The following SH3RF1 variants were observed in gnomAD, a reference collection of about 807,000 sequenced individuals.
SH3RF1 encodes E3 ubiquitin-protein ligase SH3RF1.
SH3RF1 carries 32 observed loss-of-function variants against 74.0 expected under a neutral mutation model. That is an observed-to-expected ratio of 0.43 (90% CI 0.33 to 0.58). The LOEUF is 0.58. Ranked by LOEUF, SH3RF1 falls within the 20% of genes least tolerant of loss-of-function variation. The pLI is 0.05. For synonymous variants in SH3RF1, 396 were observed against 439.6 expected (o/e 0.90, Z 1.24); for missense variants, 954 against 1,130.9 (o/e 0.84, Z 2.24).
intron 2 of SH3RF1, among the ~76,000 whole-genome samples, chr4:169,187,394 T>C (rs886679478): frequency 6.6e-6 from 1 of 152,070 alleles, no homozygotes; most frequent in Non-Finnish European, 1.5e-5. Flanking sequence ...GGTCTCTATA[T>C]TACCCAAGCT....
In SH3RF1 at chr4:169,120,876, G is replaced by C. The variant is rs749446964; in HGVS notation, c.1460C>G (p.Ser487Cys). 8 of 1,614,190 alleles carry C rather than the reference G, an allele frequency of 5.0e-6. No homozygotes were observed. Among genetic ancestry groups the C allele is most frequent in the Middle Eastern group, 1.6e-4 (1 of 6,062 alleles). The part of the protein sequence containing the change: ...RCQDGWFKGT[S>C]MHTSKIGVFP... ...AACCCCTATCTTGCTGGTATGCATG[G>C]ATGTCCCTTTGAACCAGCCATCCTG... The change falls in exon 8 of 12, where the codon TCC becomes TGC. Residue 487 changes from serine to cysteine, a missense_variant. Ser to Cys is a moderately radical substitution (Grantham distance 112). Transcript: ENST00000284637.
intron 2 of SH3RF1, among the ~76,000 whole-genome samples, chr4:169,231,685 T>C (rs965248175): frequency 3.3e-5 from 5 of 152,184 alleles, no homozygotes; most frequent in South Asian, 2.1e-4. Context: ...TACTCACTCC[T>C]CCATCCAACA....
intron 11 of SH3RF1, among the ~76,000 whole-genome samples, chr4:169,106,144 G>C (rs2126937551): frequency 6.6e-6 from 1 of 151,672 alleles, no homozygotes; most frequent in Non-Finnish European, 1.5e-5. Context: ...ATGGAGTCCT[G>C]CTCTGTCACC....
intron 2 of SH3RF1, among the ~76,000 whole-genome samples, chr4:169,198,356 G>C (rs201050669): frequency 2.2e-5 from 1 of 45,328 alleles, no homozygotes; most frequent in African/African-American, 4.6e-5. Flanking sequence ...TCTACAAATA[G>C]AGTGTTAAAT....
intron 2 of SH3RF1, among the ~76,000 whole-genome samples, chr4:169,163,198 A>C (rs940578931): frequency 6.6e-6 from 1 of 152,072 alleles, no homozygotes; most frequent in African/African-American, 2.4e-5. Flanking sequence ...CATTTGCATA[A>C]TGAATTTAGC....
At position 169,106,835 on chromosome 4, in the gene SH3RF1, A is replaced by C; in HGVS notation, c.2498+12T>G. The C allele has an allele frequency of 1.3e-6, 2 of 1,535,242 alleles. No individual in the cohort carries two copies. The highest frequency in any genetic ancestry group is 1.4e-5 in the African/African-American group (1 of 72,224). On this transcript the variant is annotated intron_variant, in intron 11 of 11. Coordinates refer to ENST00000284637, the MANE Select transcript of SH3RF1 (RefSeq NM_020870.4). Reference sequence around the variant, plus strand: ...ATTTTTTAGTTTTTTCCTGGAACGAAGTTGAACTTACCTTTCACAAACGAC... The same window carrying C: ...ATTTTTTAGTTTTTTCCTGGAACGACGTTGAACTTACCTTTCACAAACGAC...
At chr4:169,178,462 T>A (rs763667521) in intron 2 of SH3RF1, among the ~76,000 whole-genome samples, 4 of 151,900 alleles carry the variant, frequency 2.6e-5, no homozygotes, top group Non-Finnish European at 4.4e-5. Context: ...GACGAGGAAG[T>A]ACATTCAATG....
At chr4:169,164,393 G>GGCTCAA (rs1233427908) in intron 2 of SH3RF1, among the ~76,000 whole-genome samples, 5 of 152,218 alleles carry the variant, frequency 3.3e-5, no homozygotes, top group Non-Finnish European at 7.3e-5. Context: ...AGGCTCAACA[G>GGCTCAA]TTTTACACAA....
chr4:169,172,352 C>T (rs1170407366), intron 2 of SH3RF1, among the ~76,000 whole-genome samples: 1 of 152,174 alleles, frequency 6.6e-6, no homozygotes, highest in Non-Finnish European at 1.5e-5. Flanking sequence ...TAAGAATATG[C>T]CCGTACATGG....
intron 10 of SH3RF1, among the ~76,000 whole-genome samples, chr4:169,109,668 A>G (rs1424782516): frequency 1.3e-5 from 2 of 150,060 alleles, no homozygotes; most frequent in African/African-American, 2.4e-5. Context: ...GAGCACCATT[A>G]TTTTTTCAAA....
chr4:169,255,210 A>G (rs1395447544), intron 2 of SH3RF1, among the ~76,000 whole-genome samples: 4 of 152,210 alleles, frequency 2.6e-5, no homozygotes, highest in Non-Finnish European at 5.9e-5. Flanking sequence ...AAAACAGTAC[A>G]TGAATATTTT....
chr4:169,117,673 G>A lies in SH3RF1; in HGVS notation c.1627C>T (p.Leu543Phe), dbSNP rs1447174466. ...PSTAGGPAQK[L>F]QGNGVAGSPS... ...CTCCCAGCCACGCCATTTCCCTGGA[G>A]CTTCTGGGCAGGCCCTCCTGCCGTG... Residue 543 changes from leucine to phenylalanine, a missense_variant, in exon 9 of 12, where the codon CTC (leucine) becomes TTC (phenylalanine). Leu to Phe is a conservative substitution (Grantham distance 22). This residue lies in a region of SH3RF1 where 854 missense variants were observed against 962.5 expected (regional missense o/e 0.89). Transcript: ENST00000284637. 1 of 1,614,054 alleles carries A rather than the reference G, an allele frequency of 6.2e-7. No homozygotes were observed. Among genetic ancestry groups the A allele is most frequent in the Non-Finnish European group, 8.5e-7 (1 of 1,180,022 alleles).
chr4:169,225,181 C>T (rs1267139764), intron 2 of SH3RF1, among the ~76,000 whole-genome samples: 1 of 152,134 alleles, frequency 6.6e-6, no homozygotes, highest in African/African-American at 2.4e-5. Flanking sequence ...AGAGGGATGA[C>T]AGGGACATGA....
chr4:169,230,886 C>T (rs1394877729), intron 2 of SH3RF1, among the ~76,000 whole-genome samples: 1 of 151,682 alleles, frequency 6.6e-6, no homozygotes, highest in East Asian at 1.9e-4. Context: ...ATTACTGAGT[C>T]CCCCTCTAAA....
Position 169,096,679 on chromosome 4 carries a change from AC to A in SH3RF1, c.2506del (p.Val836TrpfsTer62). ...SRPVVCERHR[V>X]VVSYPPQSEA... ...ACTCTGAGGAGGATAGGAAACCACCACCCTGTGCCTAGAAAAGAAAGAGATT... is the reference window on the plus strand; with the variant it reads ...ACTCTGAGGAGGATAGGAAACCACCACCTGTGCCTAGAAAAGAAAGAGATT... On this transcript the variant is annotated frameshift_variant, in exon 12 of 12. Coordinates refer to ENST00000284637, the MANE Select transcript of SH3RF1 (RefSeq NM_020870.4). LOFTEE classifies it high-confidence loss of function. 1 of 1,606,566 alleles carries A rather than the reference AC, an allele frequency of 6.2e-7. No individual in the cohort carries two copies. The highest frequency in any genetic ancestry group is 8.5e-7 in the Non-Finnish European group (1 of 1,178,060).
chr4:169,138,433 A>C (rs1733734171), intron 4 of SH3RF1, among the ~76,000 whole-genome samples: 1 of 152,232 alleles, frequency 6.6e-6, no homozygotes, highest in Admixed American at 6.5e-5. Flanking sequence ...GCTGGAGAAA[A>C]AGGAGCCAGA....
intron 5 of SH3RF1, among the ~76,000 whole-genome samples, chr4:169,131,397 G>C (rs1733616973): frequency 6.6e-6 from 1 of 151,992 alleles, no homozygotes; most frequent in Non-Finnish European, 1.5e-5. Flanking sequence ...TTTTTTATTA[G>C]ACAGGGACTC....
At chr4:169,180,727 AT>A (rs1441897369) in intron 2 of SH3RF1, among the ~76,000 whole-genome samples, 1 of 152,240 alleles carries the variant, frequency 6.6e-6, no homozygotes, top group African/African-American at 2.4e-5. Context: ...AATTATATTT[AT>A]ATCAGATTAC....
chr4:169,117,014 C>CT (rs1048656931), intron 9 of SH3RF1, among the ~76,000 whole-genome samples: 3 of 152,244 alleles, frequency 2.0e-5, no homozygotes, highest in African/African-American at 7.2e-5. Flanking sequence ...AATCATTTTC[C>CT]TTTTTTCTGT....
Sources: allele counts gnomAD v4.1 joint callset (sites outside exome capture counted in the v4.1 genomes callset), GRCh38; gene constraint gnomAD v4.1.1; regional missense constraint gnomAD v4.1.1; transcripts MANE v1.5; gene names NCBI Gene and HGNC (gene_info 2026-07-23, HGNC 2026-07-21).